Variants in CACNA1E observed in about 807,000 individuals in gnomAD.
CACNA1E encodes the protein calcium voltage-gated channel subunit alpha1 E, also known as voltage-dependent R-type calcium channel subunit alpha-1E.
Under a neutral mutation model 259.2 loss-of-function variants are expected in CACNA1E, and 40 were observed. That is an observed-to-expected ratio of 0.15 (90% CI 0.12 to 0.20). The LOEUF is 0.20. CACNA1E is among the 10% of genes least tolerant of loss of function. CACNA1E has a pLI of 1.00. For synonymous variants in CACNA1E, 1,104 were observed against 1,138.5 expected, an observed-to-expected ratio of 0.97 and a Z score of 0.61; for missense variants, 1,874 against 3,040.1, an observed-to-expected ratio of 0.62 and a Z score of 9.02.
At chr1:181,508,520 G>C (rs1665908916) in intron 1 of CACNA1E, among the ~76,000 whole-genome samples, 1 of 152,156 alleles carries the variant, frequency 6.6e-6, no homozygotes, top group African/African-American at 2.4e-5. Flanking sequence ...CCTATGCCAG[G>C]CCCAGGGCAA....
intron 38 of CACNA1E, among the ~76,000 whole-genome samples, chr1:181,778,477 A>C (rs1305684269): frequency 1.3e-5 from 2 of 152,196 alleles, no homozygotes; most frequent in Non-Finnish European, 2.9e-5. Context: ...CAAGGACTGA[A>C]TGCACAGAGG....
At chr1:181,613,284 C>T (rs1196721682) in intron 6 of CACNA1E, among the ~76,000 whole-genome samples, 1 of 152,128 alleles carries the variant, frequency 6.6e-6, no homozygotes, top group Non-Finnish European at 1.5e-5. Flanking sequence ...CTGACCACCT[C>T]CTGGGCAAAA....
Position 181,483,844 on chromosome 1 carries a change from G to C in CACNA1E, c.100G>C (p.Gly34Arg). Residue 34 changes from glycine (G) to arginine (R), a missense_variant, in exon 1 of 48, where the codon GGG (glycine) becomes CGG (arginine). Gly to Arg is a moderately radical substitution (Grantham distance 125). Transcript: ENST00000367573. The part of the protein sequence containing the change: ...NRQGTPVPAS[G>R]QAAAYKQTKA... Reference sequence around the variant, plus strand: ...GCAAGGAACCCCCGTGCCGGCCTCGGGGCAGGCGGCCGCCTACAAGCAGAC... The same window carrying C: ...GCAAGGAACCCCCGTGCCGGCCTCGCGGCAGGCGGCCGCCTACAAGCAGAC... 2.5e-6 allele frequency: 4 copies of C among 1,613,724 alleles called. No individual in the cohort carries two copies. The highest frequency in any genetic ancestry group is 3.4e-6 in the Non-Finnish European group (4 of 1,179,806).
At chr1:181,393,703 C>T (rs947225313) in intron 1 of CACNA1E, among the ~76,000 whole-genome samples, 2 of 152,356 alleles carry the variant, frequency 1.3e-5, no homozygotes, top group African/African-American at 4.8e-5. Context: ...GGTGATCTAC[C>T]TGCCTCAGCC....
chr1:181,721,635 T>A, intron 15 of CACNA1E, 123 bp from the exon 16 acceptor site: 1 of 534,766 alleles, frequency 1.9e-6, no homozygotes, highest in Non-Finnish European at 3.4e-6. Flanking sequence ...TTTAACTCCC[T>A]GGCAAGATTG....
At chr1:181,496,897 G>A (rs1236253390) in intron 1 of CACNA1E, among the ~76,000 whole-genome samples, 1 of 152,178 alleles carries the variant, frequency 6.6e-6, no homozygotes, top group Non-Finnish European at 1.5e-5. Flanking sequence ...GGATGCACAA[G>A]GATGCATGTG....
At chr1:181,797,299 G>T (rs188323451) in intron 47 of CACNA1E, among the ~76,000 whole-genome samples, 1 of 152,310 alleles carries the variant, frequency 6.6e-6, no homozygotes, top group Non-Finnish European at 1.5e-5. Context: ...GTCCCAGCAA[G>T]ATCATGCCTT....
rs145236618 is a variant in CACNA1E at position 181,677,280 on chromosome 1, A to T, written c.1055+25839A>T. Among the ~76,000 whole-genome samples the T allele has an allele frequency of 6.3e-3, 955 of 152,276 alleles. 11 individuals are homozygous for T. The highest frequency in any genetic ancestry group is 0.022 in the African/African-American group (918 of 41,546). On this transcript the variant is annotated intron_variant, in intron 7 of 47. Transcript: ENST00000367573. ...GATTATTTTTTGTCTTTATTTATCT[A>T]ACTCCAGTATGTCCCGTGTCTCAGC...
chr1:181,557,023 A>G (rs1287304484), intron 3 of CACNA1E, among the ~76,000 whole-genome samples: 1 of 152,168 alleles, frequency 6.6e-6, no homozygotes, highest in African/African-American at 2.4e-5. Flanking sequence ...GAGCTGAGGC[A>G]TGGGTCTCTG....
At chr1:181,541,441 C>T (rs1284541442) in intron 3 of CACNA1E, among the ~76,000 whole-genome samples, 1 of 148,026 alleles carries the variant, frequency 6.8e-6, no homozygotes, top group Non-Finnish European at 1.5e-5. Context: ...GATAGGTAGA[C>T]AATGAAAAAA....
intron 3 of CACNA1E, among the ~76,000 whole-genome samples, chr1:181,575,058 A>G (rs1234582682): frequency 2.0e-5 from 3 of 151,868 alleles, no homozygotes; most frequent in African/African-American, 7.2e-5. Flanking sequence ...GTCCCTGCTT[A>G]CTTTCTAACA....
At chr1:181,475,663 CTAAGGTG>C (rs1662796000) in intron 2 of CACNA1E, among the ~76,000 whole-genome samples, 1 of 152,130 alleles carries the variant, frequency 6.6e-6, no homozygotes, top group East Asian at 1.9e-4. Flanking sequence ...AATTGTCAGG[CTAAGGTG>C]TCTGGCCATT....
At chr1:181,496,021 A>G (rs1664721902) in intron 1 of CACNA1E, among the ~76,000 whole-genome samples, 1 of 152,180 alleles carries the variant, frequency 6.6e-6, no homozygotes, top group Non-Finnish European at 1.5e-5. Flanking sequence ...ATCGCACAGT[A>G]AGAGCTGGAG....
chr1:181,341,291 G>A (rs1250059955), intron 1 of CACNA1E, among the ~76,000 whole-genome samples: 1 of 152,208 alleles, frequency 6.6e-6, no homozygotes, highest in Non-Finnish European at 1.5e-5. Flanking sequence ...ACTGAGGTCT[G>A]GTGCTGGCTT....
At chr1:181,648,837 G>A (rs1040920523) in intron 6 of CACNA1E, among the ~76,000 whole-genome samples, 1 of 152,338 alleles carries the variant, frequency 6.6e-6, no homozygotes, top group South Asian at 2.1e-4. Flanking sequence ...TGGCAACAAA[G>A]TCCTATCTGG....
At chr1:181,404,899 G>T (rs1571783412) in intron 1 of CACNA1E, among the ~76,000 whole-genome samples, 1 of 152,348 alleles carries the variant, frequency 6.6e-6, no homozygotes, top group East Asian at 1.9e-4. Context: ...GGGCTGTGAG[G>T]TGTCCTCCAT....
intron 6 of CACNA1E, among the ~76,000 whole-genome samples, chr1:181,583,023 G>T (rs1651695116): frequency 6.6e-6 from 1 of 151,692 alleles, no homozygotes; most frequent in Admixed American, 6.6e-5. Flanking sequence ...TATTCTGATG[G>T]CTGGATTTAG....
intron 3 of CACNA1E, among the ~76,000 whole-genome samples, chr1:181,568,735 A>G (rs370380565): frequency 6.6e-6 from 1 of 152,192 alleles, no homozygotes; most frequent in African/African-American, 2.4e-5. Flanking sequence ...CAGGGACTAC[A>G]GACACATGCC....
At chr1:181,752,120 C>T in intron 26 of CACNA1E, 23 bp from the exon 27 acceptor site, 3 of 1,512,810 alleles carry the variant, frequency 2.0e-6, no homozygotes, top group Non-Finnish European at 2.8e-6. Flanking sequence ...CCATATGATT[C>T]CCTGGGGGCC....
Sources: gnomAD v4.1 joint callset for allele counts (sites outside exome capture counted in the v4.1 genomes callset) on GRCh38, gnomAD v4.1.1 for gene constraint, MANE v1.5 for transcripts, NCBI Gene and HGNC (gene_info 2026-07-23, HGNC 2026-07-21) for gene names.